IQCJ: variants seen among roughly 807,000 people sequenced by gnomAD.
IQCJ encodes IQ motif containing J, also known as IQ domain-containing protein J.
In IQCJ, 9 loss-of-function variants were observed where a neutral mutation model predicts 11.0. The observed-to-expected ratio is 0.82, with a 90% CI of 0.49 to 1.43. The LOEUF is 1.43. IQCJ is among the 40% of genes most tolerant of loss of function. IQCJ has a pLI of 0.00. For synonymous variants in IQCJ, 55 were observed against 51.3 expected, an observed-to-expected ratio of 1.07 and a Z score of -0.31; for missense variants, 146 against 133.2, an observed-to-expected ratio of 1.10 and a Z score of -0.47.
intron 1 of IQCJ, among the ~76,000 whole-genome samples, chr3:159,192,261 C>A (rs1723733895): frequency 6.6e-6 from 1 of 151,596 alleles, no homozygotes; most frequent in Non-Finnish European, 1.5e-5. Flanking sequence ...AGACAGATCT[C>A]TTTTTAGAAT....
intron 1 of IQCJ, among the ~76,000 whole-genome samples, chr3:159,199,083 G>A (rs1380197581): frequency 6.6e-6 from 1 of 152,178 alleles, no homozygotes; most frequent in African/African-American, 2.4e-5. Context: ...TAACTGTTGT[G>A]TATTCAGATA....
chr3:159,168,183 C>T lies in IQCJ; in HGVS notation c.10-77660C>T, dbSNP rs9833862. Among the ~76,000 whole-genome samples the T allele has an allele frequency of 6.8e-3, 1,028 of 152,252 alleles. 6 individuals are homozygous for T. Among genetic ancestry groups the T allele is most frequent in the Admixed American group, 0.016 (240 of 15,300 alleles). On this transcript the variant is annotated intron_variant, in intron 1 of 3. Transcript: ENST00000397832. ...GCAGAAGTTCTCACTGCTAGGGATC[C>T]GGCCTTTACCAGTCTCCTTTCACTG...
intron 1 of IQCJ, among the ~76,000 whole-genome samples, chr3:159,217,548 CAAAAT>C (rs764059620): frequency 5.3e-5 from 8 of 152,088 alleles, no homozygotes; most frequent in Non-Finnish European, 8.8e-5. Flanking sequence ...GTACTCAAAA[CAAAAT>C]ACAACCTGCA....
At chr3:159,208,027 A>G (rs1724753880) in intron 1 of IQCJ, among the ~76,000 whole-genome samples, 1 of 152,196 alleles carries the variant, frequency 6.6e-6, no homozygotes, top group South Asian at 2.1e-4. Flanking sequence ...TTGTGACAAG[A>G]TAATGAATGT....
In IQCJ at chr3:159,102,497, A is replaced by G. The variant is rs535537656; in HGVS notation, c.9+33056A>G. On this transcript the variant is annotated intron_variant, in intron 1 of 3. Transcript: ENST00000397832. Reference sequence around the variant, plus strand: ...GAATTAGGCTTCTATTTAGGCTCTGATTGGGAAAGGTAGTAATTTTCCTAC... The same window carrying G: ...GAATTAGGCTTCTATTTAGGCTCTGGTTGGGAAAGGTAGTAATTTTCCTAC... 2.0e-5 allele frequency among the ~76,000 whole-genome samples: 3 copies of G among 152,284 alleles called. No individual in the cohort carries two copies. The South Asian group carries it at 6.2e-4, about 32-fold the overall frequency.
At chr3:159,081,784 CCTGT>C (rs1716330320) in intron 1 of IQCJ, among the ~76,000 whole-genome samples, 1 of 152,008 alleles carries the variant, frequency 6.6e-6, no homozygotes, top group Non-Finnish European at 1.5e-5. Flanking sequence ...CCCAATATTC[CCTGT>C]CTATTAGAGT....
In IQCJ at chr3:159,163,598, C is replaced by A. The variant is rs138219852; in HGVS notation, c.10-82245C>A. ...CAGGCTGGTCTTGAACTTCTGAGCT[C>A]AGGTAAGCCTCCCACCTAGGCCTCC... is the stretch of plus-strand genomic sequence containing the variant. On this transcript the variant is annotated intron_variant, in intron 1 of 3. Coordinates refer to ENST00000397832, the MANE Select transcript of IQCJ (RefSeq NM_001042706.3). Among the ~76,000 whole-genome samples, 937 of 152,234 alleles carry A rather than the reference C, an allele frequency of 6.2e-3. 35 individuals are homozygous for A. The highest frequency in any genetic ancestry group is 0.054 in the Admixed American group (826 of 15,282).
intron 1 of IQCJ, among the ~76,000 whole-genome samples, chr3:159,156,023 A>G (rs548421144): frequency 2.0e-3 from 298 of 152,356 alleles, no homozygotes; most frequent in African/African-American, 6.6e-3. Context: ...TAGTTATAAC[A>G]TATATACCTG....
chr3:159,251,812 A>C (rs1199278964), intron 2 of IQCJ, among the ~76,000 whole-genome samples: 2 of 152,090 alleles, frequency 1.3e-5, no homozygotes, highest in Non-Finnish European at 2.9e-5. Context: ...CTGTACAGTA[A>C]ATTTAACATT....
At chr3:159,151,792 C>T (rs561899304) in intron 1 of IQCJ, among the ~76,000 whole-genome samples, 13 of 152,252 alleles carry the variant, frequency 8.5e-5, no homozygotes, top group Non-Finnish European at 1.0e-4. Flanking sequence ...CCTGCCACCA[C>T]GTTTGCCTAA....
At chr3:159,237,556 T>C (rs1046606838) in intron 1 of IQCJ, among the ~76,000 whole-genome samples, 1 of 152,236 alleles carries the variant, frequency 6.6e-6, no homozygotes. Context: ...TTTTTCACCA[T>C]AACAGTATAG....
intron 1 of IQCJ, among the ~76,000 whole-genome samples, chr3:159,209,636 G>A (rs1164151417): frequency 6.6e-6 from 1 of 152,150 alleles, no homozygotes; most frequent in African/African-American, 2.4e-5. Context: ...ACACTGCTGT[G>A]GGCGGGTACG....
chr3:159,204,424 G>A (rs889025412), intron 1 of IQCJ, among the ~76,000 whole-genome samples: 2 of 152,192 alleles, frequency 1.3e-5, no homozygotes, highest in African/African-American at 4.8e-5. Context: ...TCTGGCACCT[G>A]GGCTCAGATG....
At chr3:159,201,078 G>A (rs1724303218) in intron 1 of IQCJ, among the ~76,000 whole-genome samples, 1 of 152,216 alleles carries the variant, frequency 6.6e-6, no homozygotes, top group Non-Finnish European at 1.5e-5. Context: ...AATTTCATCA[G>A]TAATCACACA....
chr3:159,156,127 T>G (rs1223110665), intron 1 of IQCJ, among the ~76,000 whole-genome samples: 1 of 152,218 alleles, frequency 6.6e-6, no homozygotes, highest in Non-Finnish European at 1.5e-5. Flanking sequence ...CCTCCCAATT[T>G]TATCTAATCC....
chr3:159,177,779 T>G (rs574133665), intron 1 of IQCJ, among the ~76,000 whole-genome samples: 18 of 152,320 alleles, frequency 1.2e-4, no homozygotes, highest in African/African-American at 4.3e-4. Flanking sequence ...AAAAATGTAT[T>G]GGGTAATTAG....
intron 1 of IQCJ, among the ~76,000 whole-genome samples, chr3:159,092,633 G>A (rs1717399578): frequency 6.6e-6 from 1 of 151,192 alleles, no homozygotes; most frequent in Non-Finnish European, 1.5e-5. Context: ...GGGAGGCGGA[G>A]CTTGCAGGGA....
chr3:159,263,195 C>T lies in IQCJ; in HGVS notation c.*464C>T. The T allele has an allele frequency of 2.0e-6, 1 of 502,332 alleles. No individual in the cohort carries two copies. The highest frequency in any genetic ancestry group is 2.6e-6 in the Non-Finnish European group (1 of 388,294). 31.1% of individuals were successfully genotyped at this position (502,332 alleles called of 1,614,324 possible). ...CCCTGGCTACACGGAGAACATAGAC[C>T]TCACCTGAAGGGCAGCGCACTTGGC... On this transcript the variant is annotated 3_prime_UTR_variant, in exon 4 of 4. Transcript: ENST00000397832.
intron 1 of IQCJ, among the ~76,000 whole-genome samples, chr3:159,131,833 A>G (rs1225274413): frequency 6.6e-6 from 1 of 152,224 alleles, no homozygotes; most frequent in East Asian, 1.9e-4. Flanking sequence ...ACACAATAAT[A>G]AACAGTGATT....
Sources: gnomAD v4.1 joint callset for allele counts (sites outside exome capture counted in the v4.1 genomes callset) on GRCh38, gnomAD v4.1.1 for gene constraint, MANE v1.5 for transcripts, NCBI Gene and HGNC (gene_info 2026-07-23, HGNC 2026-07-21) for gene names.